LRRC8A: variants seen among roughly 807,000 people sequenced by gnomAD.
LRRC8A encodes volume-regulated anion channel subunit LRRC8A.
A neutral mutation model predicts 52.5 loss-of-function variants in LRRC8A; 24 were observed. The ratio of observed to expected loss-of-function variants is 0.46; its 90% confidence interval spans 0.33 to 0.64. The LOEUF is 0.64. Among genes scored for constraint, LRRC8A ranks in the 30% least tolerant of loss-of-function variants. LRRC8A has a pLI of 0.02. For missense variants in LRRC8A, 677 were observed against 1,094.7 expected, an observed-to-expected ratio of 0.62 and a Z score of 5.38; for synonymous variants, 492 against 494.2, an observed-to-expected ratio of 1.00 and a Z score of 0.06.
chr9:128,894,302 T>C (rs796559185), intron 2 of LRRC8A, among the ~76,000 whole-genome samples: 14 of 150,970 alleles, frequency 9.3e-5, no homozygotes, highest in African/African-American at 3.4e-4. Context: ...GTTAACACGA[T>C]GAAACCCCGT....
At chr9:128,895,316 T>TCCA (rs1348433122) in intron 2 of LRRC8A, among the ~76,000 whole-genome samples, 2 of 152,190 alleles carry the variant, frequency 1.3e-5, no homozygotes, top group African/African-American at 4.8e-5. Context: ...GCCACTGCAC[T>TCCA]CCAGCCTGGG....
intron 2 of LRRC8A, among the ~76,000 whole-genome samples, chr9:128,895,001 C>T (rs1056349683): frequency 6.6e-6 from 1 of 152,154 alleles, no homozygotes; most frequent in Non-Finnish European, 1.5e-5. Flanking sequence ...TAAACGCTCA[C>T]TCCCCATTTC....
chr9:128,909,550 C>CT (rs1488080862), intron 3 of LRRC8A, among the ~76,000 whole-genome samples: 1 of 152,250 alleles, frequency 6.6e-6, no homozygotes, highest in Admixed American at 6.5e-5. Flanking sequence ...CCGGGCCTGT[C>CT]TTTGCTCCAA....
chr9:128,907,014 A>G lies in LRRC8A; in HGVS notation c.-8-143A>G, dbSNP rs1840278639. ...GGCTGATAAGTGGGCTGCCCCGTGG[A>G]GTAGGCAGGCTTTGGCTCCCAGCTA... is the stretch of plus-strand genomic sequence containing the variant. On this transcript the variant is annotated intron_variant, in intron 2 of 3. Coordinates refer to ENST00000372600, the MANE Select transcript of LRRC8A (RefSeq NM_019594.4). This position sits in a 1 kb window ranked among gnomAD's most constrained non-coding sequence, Gnocchi z 9.3. 2 of 753,294 alleles carry G rather than the reference A, an allele frequency of 2.7e-6. No individual in the cohort carries two copies. The highest frequency in any genetic ancestry group is 1.8e-5 in the African/African-American group (1 of 57,080). 46.7% of individuals were successfully genotyped at this position (753,294 alleles called of 1,614,324 possible).
rs766763754 is a variant in LRRC8A at position 128,908,549 on chromosome 9, C to A, written c.1385C>A (p.Pro462Gln). Residue 462 changes from proline to glutamine, a missense_variant, in exon 3 of 4, where the codon CCG (proline) becomes CAG (glutamine). Around this residue, in one of 4 missense-constraint regions of LRRC8A, gnomAD observed 422 missense variants for 741.5 expected, o/e 0.57. Coordinates refer to ENST00000372600, the MANE Select transcript of LRRC8A (RefSeq NM_019594.4). Reference sequence around the variant, plus strand: ...GAGCTGATCCCCGACGTGACCATCCCGCCCAGCATTGCCCAGCTCACGGGC... The same window carrying A: ...GAGCTGATCCCCGACGTGACCATCCAGCCCAGCATTGCCCAGCTCACGGGC... ...KLELIPDVTIPPSIAQLTGLK... is the reference protein window; with the variant it reads ...KLELIPDVTIQPSIAQLTGLK... The A allele has an allele frequency of 1.2e-6, 2 of 1,612,696 alleles. No homozygotes were observed. The highest frequency in any genetic ancestry group is 2.7e-5 in the African/African-American group (2 of 74,906).
rs1263152270 is a variant in LRRC8A at position 128,909,175 on chromosome 9, C to T, written c.2011C>T (p.Arg671Cys). The T allele has an allele frequency of 3.1e-6, 5 of 1,614,130 alleles. No homozygotes were observed. The highest frequency in any genetic ancestry group is 1.3e-5 in the African/African-American group (1 of 75,050). ...CAACCTGGAGCGCCTCTACCTGAAC[C>T]GCAACAAGATCGAGAAGATCCCCAC... is the stretch of plus-strand genomic sequence containing the variant. The part of the protein sequence containing the change: ...LTNLERLYLN[R>C]NKIEKIPTQL... Residue 671 changes from arginine to cysteine, a missense_variant, in exon 3 of 4, where the codon CGC becomes TGC. Physicochemically the swap from Arg to Cys is radical, Grantham distance 180. Transcript: ENST00000372600.
At position 128,907,494 on chromosome 9, in the gene LRRC8A, C is replaced by T. The variant is rs201405629; in HGVS notation, c.330C>T (p.Asp110=). 1.8e-5 allele frequency: 29 copies of T among 1,614,096 alleles called. No homozygotes were observed. Among genetic ancestry groups the T allele is most frequent in the South Asian group, 6.6e-5 (6 of 91,088 alleles). Reference sequence around the variant, plus strand: ...ACCGGCACCAGTACAACTACGTGGACGCTGTGTGCTATGAGAACCGACTGC... The same window carrying T: ...ACCGGCACCAGTACAACTACGTGGATGCTGTGTGCTATGAGAACCGACTGC... ...DLDRHQYNYV[D]AVCYENRLHW... is the part of the protein sequence containing the mutation. The change falls in exon 3 of 4, where the codon GAC becomes GAT. Residue 110 remains aspartate, a synonymous_variant. Coordinates refer to ENST00000372600, the MANE Select transcript of LRRC8A (RefSeq NM_019594.4). The surrounding 1 kb of genome is among the most constrained non-coding windows in gnomAD (Gnocchi z 9.3).
chr9:128,883,018 CTGGACCGGGG>C (rs1393333887), intron 1 of LRRC8A: 7 of 370,070 alleles, frequency 1.9e-5, no homozygotes, highest in Admixed American at 9.2e-5. Flanking sequence ...TCCCCTTGAT[CTGGACCGGGG>C]TGAACCGAGG....
intron 2 of LRRC8A, among the ~76,000 whole-genome samples, chr9:128,898,918 A>G (rs1288594382): frequency 1.3e-5 from 2 of 152,208 alleles, no homozygotes; most frequent in South Asian, 2.1e-4. Context: ...ACCATGGGGA[A>G]CCAAGGTGCT....
At position 128,890,130 on chromosome 9, in the gene LRRC8A, T is replaced by TTGTGTGTGTGTGTGTGTGTG. The variant is rs57721007; in HGVS notation, c.-9+4030_-9+4049dup. 3.5e-3 allele frequency among the ~76,000 whole-genome samples: 454 copies of TTGTGTGTGTGTGTGTGTGTG among 128,284 alleles called. 6 individuals are homozygous for TTGTGTGTGTGTGTGTGTGTG. Among genetic ancestry groups the TTGTGTGTGTGTGTGTGTGTG allele is most frequent in the Middle Eastern group, 7.8e-3 (2 of 256 alleles). 84.2% of individuals were successfully genotyped at this position (128,284 alleles called of 152,430 possible). A position where few individuals can be genotyped will look rare whatever the true frequency, so the allele number is the denominator to read the frequency against. On this transcript the variant is annotated intron_variant, in intron 2 of 3. Coordinates refer to ENST00000372600, the MANE Select transcript of LRRC8A (RefSeq NM_019594.4). ...ACAGTTGTTTTTTAGTGGCTTCATT[T>TTGTGTGTGTGTGTGTGTGTG]TGTGTGTGTGTGTGTGTGTGTGTGT...
intron 3 of LRRC8A, among the ~76,000 whole-genome samples, chr9:128,913,628 G>A (rs1353132638): frequency 6.6e-6 from 1 of 152,180 alleles, no homozygotes; most frequent in Non-Finnish European, 1.5e-5. Context: ...TCAGGGAGGG[G>A]GCTCCAGAGC....
chr9:128,887,474 T>C (rs1289838328), intron 2 of LRRC8A, among the ~76,000 whole-genome samples: 3 of 151,702 alleles, frequency 2.0e-5, no homozygotes, highest in African/African-American at 4.9e-5. Flanking sequence ...TGTTTGGATC[T>C]TTAATGTCAT....
intron 2 of LRRC8A, among the ~76,000 whole-genome samples, chr9:128,886,435 A>G (rs141873565): frequency 3.1e-4 from 47 of 152,336 alleles, no homozygotes; most frequent in African/African-American, 1.1e-3. Flanking sequence ...AGCGTGGACC[A>G]CGTTTCCCAA....
chr9:128,900,761 C>G (rs999376123), intron 2 of LRRC8A, among the ~76,000 whole-genome samples: 1 of 152,188 alleles, frequency 6.6e-6, no homozygotes. Flanking sequence ...GGTGCAGTAG[C>G]TCATGCCCGT....
chr9:128,887,961 T>A (rs974150486), intron 2 of LRRC8A, among the ~76,000 whole-genome samples: 1 of 152,120 alleles, frequency 6.6e-6, no homozygotes, highest in African/African-American at 2.4e-5. Flanking sequence ...CTCTTTCCCA[T>A]GCAAGAGGTA....
chr9:128,892,664 C>T lies in LRRC8A; in HGVS notation c.-9+6543C>T, dbSNP rs12001181. ...GAGGGTGGAGGCTGTGTGTGCCAGA[C>T]GAGGCTGAGACCTCTCCTCCCACTC... On this transcript the variant is annotated intron_variant, in intron 2 of 3. Transcript: ENST00000372600. The surrounding 1 kb of genome is among the most constrained non-coding windows in gnomAD (Gnocchi z 5.2). 7.3e-3 allele frequency among the ~76,000 whole-genome samples: 1,112 copies of T among 152,284 alleles called. 7 individuals carry two copies. Among genetic ancestry groups the T allele is most frequent in the African/African-American group, 0.019 (782 of 41,558 alleles).
intron 2 of LRRC8A, among the ~76,000 whole-genome samples, chr9:128,906,344 T>G (rs1341408912): frequency 8.8e-5 from 12 of 136,864 alleles, no homozygotes; most frequent in African/African-American, 3.1e-4. Flanking sequence ...TTTTTTGAGT[T>G]GGAGTTTCAC....
In LRRC8A at chr9:128,913,914, C is replaced by T. The variant is rs190664550; in HGVS notation, c.2158-2182C>T. On this transcript the variant is annotated intron_variant, in intron 3 of 3. Coordinates refer to ENST00000372600, the MANE Select transcript of LRRC8A (RefSeq NM_019594.4). ...TTAGGAGCCTTTTTGAAAGCACCCCCTGTGCCTGGGCTGGGCATGGTGGCT... is the reference window on the plus strand; with the variant it reads ...TTAGGAGCCTTTTTGAAAGCACCCCTTGTGCCTGGGCTGGGCATGGTGGCT... Among the ~76,000 whole-genome samples, 85 of 152,312 alleles carry T rather than the reference C, an allele frequency of 5.6e-4. 1 individual carries two copies. Among genetic ancestry groups the T allele is most frequent in the Non-Finnish European group, 4.1e-4 (28 of 68,020 alleles).
At chr9:128,906,362 G>A (rs1020446179) in intron 2 of LRRC8A, among the ~76,000 whole-genome samples, 5 of 112,804 alleles carry the variant, frequency 4.4e-5, no homozygotes, top group Non-Finnish European at 6.6e-5. Flanking sequence ...CACTCTTGTC[G>A]CCCAGGCTGG....
Sources: gnomAD v4.1 joint callset for allele counts (sites outside exome capture counted in the v4.1 genomes callset) on GRCh38, gnomAD v4.1.1 for gene constraint, gnomAD v4.1.1 regional missense constraint, Gnocchi (gnomAD v3.1) non-coding constraint, MANE v1.5 for transcripts, NCBI Gene and HGNC (gene_info 2026-07-23, HGNC 2026-07-21) for gene names.